Variants in PLPPR5 observed in about 807,000 individuals in gnomAD.
PLPPR5 encodes the protein phospholipid phosphatase-related protein type 5.
Under a neutral mutation model 33.9 loss-of-function variants are expected in PLPPR5, and 16 were observed. The ratio of observed to expected loss-of-function variants is 0.47; its 90% CI spans 0.32 to 0.72. PLPPR5 has a LOEUF of 0.72. Among genes scored for constraint, PLPPR5 ranks in the 30% least tolerant of loss-of-function variants. The pLI is 0.03. For missense variants in PLPPR5, 301 were observed against 406.7 expected (o/e 0.74, Z 2.23); for synonymous variants, 163 against 150.3 (o/e 1.08, Z -0.62).
intron 5 of PLPPR5, among the ~76,000 whole-genome samples, chr1:98,905,672 T>G (rs1648869353): frequency 6.6e-6 from 1 of 152,168 alleles, no homozygotes; most frequent in African/African-American, 2.4e-5. Context: ...TTCTGTTACT[T>G]TATTTTACCA....
chr1:98,957,072 A>C (rs915481221), intron 1 of PLPPR5, among the ~76,000 whole-genome samples: 14 of 151,722 alleles, frequency 9.2e-5, no homozygotes, highest in Non-Finnish European at 2.1e-4. Context: ...CATTCTCAGT[A>C]AACTATCGCA....
chr1:98,982,078 T>A (rs1652080362), intron 1 of PLPPR5, among the ~76,000 whole-genome samples: 1 of 152,082 alleles, frequency 6.6e-6, no homozygotes, highest in Non-Finnish European at 1.5e-5. Context: ...TGATTACTGA[T>A]GAAAATGTAC....
chr1:98,918,097 A>G (rs1381437647), intron 4 of PLPPR5, among the ~76,000 whole-genome samples: 1 of 152,228 alleles, frequency 6.6e-6, no homozygotes, highest in African/African-American at 2.4e-5. Flanking sequence ...TGTCATGATG[A>G]TAACTTAATC....
chr1:98,943,950 A>G (rs1234839529), intron 3 of PLPPR5, among the ~76,000 whole-genome samples: 2 of 152,182 alleles, frequency 1.3e-5, no homozygotes, highest in Non-Finnish European at 2.9e-5. Flanking sequence ...ATCACAGTTG[A>G]TGTCAGTGCT....
At chr1:98,957,846 T>C (rs1458382494) in intron 1 of PLPPR5, among the ~76,000 whole-genome samples, 1 of 152,224 alleles carries the variant, frequency 6.6e-6, no homozygotes. Flanking sequence ...ACAGATGCTT[T>C]GCTCTACTCT....
At chr1:98,986,984 A>G (rs1361261994) in intron 1 of PLPPR5, among the ~76,000 whole-genome samples, 1 of 151,826 alleles carries the variant, frequency 6.6e-6, no homozygotes. Context: ...ATTCTTCTCC[A>G]TACTGAAAGA....
chr1:98,912,220 G>T (rs940543201), intron 5 of PLPPR5, among the ~76,000 whole-genome samples: 23 of 152,212 alleles, frequency 1.5e-4, no homozygotes, highest in African/African-American at 5.3e-4. Context: ...CAATGATCTG[G>T]ACTTTTGCAA....
chr1:98,931,389 T>C (rs563911499), intron 3 of PLPPR5, among the ~76,000 whole-genome samples: 2 of 152,238 alleles, frequency 1.3e-5, no homozygotes, highest in Admixed American at 1.3e-4. Context: ...TTCCATGACA[T>C]TGGTACTCAA....
intron 1 of PLPPR5, among the ~76,000 whole-genome samples, chr1:98,963,737 G>A (rs1302896970): frequency 6.6e-6 from 1 of 152,098 alleles, no homozygotes; most frequent in Non-Finnish European, 1.5e-5. Flanking sequence ...CATCTCTACA[G>A]TTTCAAAAGA....
intron 1 of PLPPR5, among the ~76,000 whole-genome samples, chr1:99,003,971 C>A (rs1652964209): frequency 6.6e-6 from 1 of 152,194 alleles, no homozygotes. Context: ...TGCCCCGACT[C>A]GGGAAGTGGG....
chr1:98,998,385 C>CACATG (rs1490198540), intron 1 of PLPPR5, among the ~76,000 whole-genome samples: 2 of 152,152 alleles, frequency 1.3e-5, no homozygotes, highest in Non-Finnish European at 2.9e-5. Flanking sequence ...TGAGATGAGA[C>CACATG]ACATGCCTTT....
At chr1:98,965,833 G>A (rs1651430498) in intron 1 of PLPPR5, among the ~76,000 whole-genome samples, 1 of 152,130 alleles carries the variant, frequency 6.6e-6, no homozygotes, top group Non-Finnish European at 1.5e-5. Context: ...TTTGAAATTG[G>A]TACAAGAAAA....
chr1:98,964,094 C>T (rs1180288875), intron 1 of PLPPR5, among the ~76,000 whole-genome samples: 1 of 152,178 alleles, frequency 6.6e-6, no homozygotes, highest in East Asian at 1.9e-4. Context: ...ATCCCTGGGG[C>T]AACGAGCATA....
chr1:98,908,059 T>A (rs576671501), intron 5 of PLPPR5, among the ~76,000 whole-genome samples: 1 of 152,302 alleles, frequency 6.6e-6, no homozygotes. Context: ...GGTAGTTGCT[T>A]ATTTGCTAAC....
intron 1 of PLPPR5, among the ~76,000 whole-genome samples, chr1:98,973,420 A>G (rs1166361417): frequency 1.3e-5 from 2 of 151,994 alleles, no homozygotes. Context: ...AAGTCTTACA[A>G]AAGTTGATGT....
Position 98,914,869 on chromosome 1 carries a change from T to C in PLPPR5, c.850A>G (p.Ile284Val), listed in dbSNP as rs879811409. Residue 284 changes from isoleucine to valine, a missense_variant, in exon 5 of 6, where the codon ATA becomes GTA. Physicochemically the swap from Ile to Val is conservative, Grantham distance 29 (BLOSUM62 3). Transcript: ENST00000263177. Reference sequence around the variant, plus strand: ...ATCTGTGCCAGATTATCCATGTGTATATGCTCATTTTCTGCTTGTCTCCCT... The same window carrying C: ...ATCTGTGCCAGATTATCCATGTGTACATGCTCATTTTCTGCTTGTCTCCCT... The part of the protein sequence containing the change: ...FKGRQAENEH[I>V]HMDNLAQMPM... 6.2e-7 allele frequency: 1 copy of C among 1,612,914 alleles called. No individual in the cohort carries two copies. Among genetic ancestry groups the C allele is most frequent in the Non-Finnish European group, 8.5e-7 (1 of 1,179,696 alleles).
At chr1:98,951,742 T>C (rs985569706) in intron 3 of PLPPR5, among the ~76,000 whole-genome samples, 2 of 152,230 alleles carry the variant, frequency 1.3e-5, no homozygotes, top group African/African-American at 4.8e-5. Context: ...AGGTATTCCA[T>C]ATATTCTTTC....
At chr1:98,894,777 A>G (rs370215269) in intron 5 of PLPPR5, among the ~76,000 whole-genome samples, 23 of 152,206 alleles carry the variant, frequency 1.5e-4, no homozygotes, top group African/African-American at 5.1e-4. Flanking sequence ...TGATCTTAAG[A>G]GGACAACCAC....
intron 2 of PLPPR5, 145 bp downstream of exon 2, chr1:98,956,464 T>C: frequency 4.0e-6 from 3 of 754,902 alleles, no homozygotes; most frequent in Non-Finnish European, 5.9e-6. Flanking sequence ...CAGTGTGTAA[T>C]GTTTATTTTT....
Sources: allele counts gnomAD v4.1 joint callset (sites outside exome capture counted in the v4.1 genomes callset), GRCh38; gene constraint gnomAD v4.1.1; transcripts MANE v1.5; gene names NCBI Gene and HGNC (gene_info 2026-07-23, HGNC 2026-07-21).